Variants in DAP observed in about 807,000 individuals in gnomAD.
DAP encodes death associated protein.
DAP carries 8 observed loss-of-function variants against 13.8 expected under a neutral mutation model. That is an observed-to-expected ratio of 0.58 (90% CI 0.34 to 1.05). The LOEUF is 1.05. Ranked by LOEUF, DAP falls within the 50% of genes least tolerant of loss-of-function variation. DAP has a pLI of 0.03. For synonymous variants in DAP, 47 were observed against 47.5 expected (o/e 0.99, Z 0.04); for missense variants, 106 against 133.2 (o/e 0.80, Z 1.01).
Position 10,683,580 on chromosome 5 carries a change from A to T in DAP, c.153-9T>A. Reference sequence around the variant, plus strand: ...CAGTGGGTTTAGGTGGACTGGAAAAAAAGAAGGGAAAAGGCAGATTTAACA... The same window carrying T: ...CAGTGGGTTTAGGTGGACTGGAAAATAAGAAGGGAAAAGGCAGATTTAACA... On this transcript the variant is annotated splice_polypyrimidine_tract_variant and intron_variant, in intron 2 of 3. Transcript: ENST00000230895. The T allele has an allele frequency of 6.2e-7, 1 of 1,613,696 alleles. No homozygotes were observed. Among genetic ancestry groups the T allele is most frequent in the South Asian group, 1.1e-5 (1 of 91,074 alleles).
At chr5:10,682,514 G>A (rs1324378030) in intron 3 of DAP, among the ~76,000 whole-genome samples, 1 of 151,988 alleles carries the variant, frequency 6.6e-6, no homozygotes, top group African/African-American at 2.4e-5. Flanking sequence ...GTTTGTGGGT[G>A]AGGAAGCTCC....
rs1737919806 is a variant in DAP at position 10,679,263 on chromosome 5, T to A, written c.*1793A>T. On this transcript the variant is annotated 3_prime_UTR_variant, in exon 4 of 4. Coordinates refer to ENST00000230895, the MANE Select transcript of DAP (RefSeq NM_004394.3). Reference sequence around the variant, plus strand: ...AATGCAGGAGCTTTATTATAAATCATTTAATATTCTTGAAGTTAACAACTG... The same window carrying A: ...AATGCAGGAGCTTTATTATAAATCAATTAATATTCTTGAAGTTAACAACTG... 1 of 152,368 alleles carries A rather than the reference T, an allele frequency of 6.6e-6. No homozygotes were observed. 9.4% of individuals were successfully genotyped at this position (152,368 alleles called of 1,614,324 possible).
intron 2 of DAP, among the ~76,000 whole-genome samples, chr5:10,710,934 A>G (rs1738832512): frequency 6.6e-6 from 1 of 152,212 alleles, no homozygotes; most frequent in Admixed American, 6.5e-5. Context: ...TTGTCCGCAG[A>G]GGCACGGTGT....
chr5:10,759,116 G>A (rs1172583120), intron 1 of DAP, among the ~76,000 whole-genome samples: 3 of 150,004 alleles, frequency 2.0e-5, no homozygotes, highest in African/African-American at 7.3e-5. Flanking sequence ...GAACCTAGAA[G>A]GCGGAGGTTG....
chr5:10,758,513 C>G (rs1740255011), intron 1 of DAP, among the ~76,000 whole-genome samples: 1 of 152,216 alleles, frequency 6.6e-6, no homozygotes, highest in African/African-American at 2.4e-5. Context: ...TGGTGACAGC[C>G]ACCCGCAAGA....
intron 2 of DAP, among the ~76,000 whole-genome samples, chr5:10,705,794 C>T (rs1191491738): frequency 6.6e-6 from 1 of 152,020 alleles, no homozygotes; most frequent in Non-Finnish European, 1.5e-5. Flanking sequence ...TTTGATATAC[C>T]TATGTGTTGA....
chr5:10,759,154 T>C (rs1740274093), intron 1 of DAP, among the ~76,000 whole-genome samples: 1 of 152,256 alleles, frequency 6.6e-6, no homozygotes, highest in Non-Finnish European at 1.5e-5. Flanking sequence ...GCCACTGCAC[T>C]CCCAGGTGAC....
In DAP at chr5:10,680,834, T is replaced by A. The variant is rs375299580; in HGVS notation, c.*222A>T. 5.2e-6 allele frequency: 8 copies of A among 1,536,920 alleles called. No homozygotes were observed. The highest frequency in any genetic ancestry group is 2.4e-5 in the East Asian group (1 of 41,064). On this transcript the variant is annotated 3_prime_UTR_variant, in exon 4 of 4. Transcript: ENST00000230895. ...GCTAATGGCACCTCTAGGGGCACAA[T>A]GATCCTCAAATGACATCCAACCAGA...
At position 10,680,572 on chromosome 5, in the gene DAP, T is replaced by C; in HGVS notation, c.*484A>G. 1.4e-6 allele frequency: 1 copy of C among 693,882 alleles called. No individual in the cohort carries two copies. The highest frequency in any genetic ancestry group is 2.7e-5 in the East Asian group (1 of 37,072). 43.0% of individuals were successfully genotyped at this position (693,882 alleles called of 1,614,324 possible). ...AAATTTGGCATTGCTGTTCCCTGCC[T>C]CTAAGGTCCTTTATGAGGGGCCGCC... is the stretch of plus-strand genomic sequence containing the variant. On this transcript the variant is annotated 3_prime_UTR_variant, in exon 4 of 4. Coordinates refer to ENST00000230895, the MANE Select transcript of DAP (RefSeq NM_004394.3).
intron 2 of DAP, among the ~76,000 whole-genome samples, chr5:10,687,708 TAAC>T (rs1435208556): frequency 4.6e-5 from 7 of 152,138 alleles, no homozygotes; most frequent in East Asian, 1.9e-4. Flanking sequence ...ACACTGAAAA[TAAC>T]AACAAAGGAT....
intron 2 of DAP, among the ~76,000 whole-genome samples, chr5:10,721,162 G>A (rs1739128589): frequency 6.6e-6 from 1 of 152,160 alleles, no homozygotes; most frequent in Non-Finnish European, 1.5e-5. Context: ...GGCTGTGTAT[G>A]CTCTCAGTCA....
At chr5:10,747,308 C>G (rs575227801) in intron 2 of DAP, among the ~76,000 whole-genome samples, 2 of 152,260 alleles carry the variant, frequency 1.3e-5, no homozygotes, top group South Asian at 2.1e-4. Flanking sequence ...CTTTCAAGGT[C>G]CCTGAACCCA....
In DAP at chr5:10,680,491, T is replaced by C; in HGVS notation, c.*565A>G. The stretch of plus-strand genomic sequence containing the variant: ...TTTCTAAGATGCATGCTTTTTCGGC[T>C]TTTCTCATGGGTGCCTCATCAGCCT... On this transcript the variant is annotated 3_prime_UTR_variant, in exon 4 of 4. Transcript: ENST00000230895. 1.8e-6 allele frequency: 1 copy of C among 545,792 alleles called. No homozygotes were observed. The highest frequency in any genetic ancestry group is 3.0e-5 in the East Asian group (1 of 33,230). The allele number at this position is 545,792 out of a possible 1,614,324, so 33.8% of individuals were successfully genotyped here.
chr5:10,739,366 A>T (rs927365453), intron 2 of DAP, among the ~76,000 whole-genome samples: 1 of 132,192 alleles, frequency 7.6e-6, no homozygotes, highest in Non-Finnish European at 1.6e-5. Context: ...CAAAACAAAA[A>T]GTTTTAAAAA....
At chr5:10,742,150 A>C (rs975951353) in intron 2 of DAP, among the ~76,000 whole-genome samples, 2 of 152,216 alleles carry the variant, frequency 1.3e-5, no homozygotes, top group South Asian at 2.1e-4. Context: ...GTTCTTCTAC[A>C]AAAAAGAGCT....
chr5:10,738,100 G>A (rs2126671613), intron 2 of DAP, among the ~76,000 whole-genome samples: 1 of 152,310 alleles, frequency 6.6e-6, no homozygotes, highest in African/African-American at 2.4e-5. Flanking sequence ...CAACCAACCT[G>A]CCAACACCTT....
At chr5:10,699,285 TCTC>T (rs1402659402) in intron 2 of DAP, among the ~76,000 whole-genome samples, 1 of 152,250 alleles carries the variant, frequency 6.6e-6, no homozygotes, top group African/African-American at 2.4e-5. Flanking sequence ...CTCTGGAGCA[TCTC>T]CTACTTTTTC....
chr5:10,716,705 C>T lies in DAP; in HGVS notation c.152+31470G>A, dbSNP rs149501811. On this transcript the variant is annotated intron_variant, in intron 2 of 3. Coordinates refer to ENST00000230895, the MANE Select transcript of DAP (RefSeq NM_004394.3). ...TGAGACTCGGACCTGGCTCTCCTGG[C>T]TCCTCAAGCTTGCAGACAGCCTATT... Among the ~76,000 whole-genome samples the T allele has an allele frequency of 4.5e-4, 69 of 152,288 alleles. No homozygotes were observed. In the East Asian group the frequency reaches 0.011, roughly 25 times the overall value.
chr5:10,692,691 C>G (rs1738334887), intron 2 of DAP, among the ~76,000 whole-genome samples: 1 of 152,176 alleles, frequency 6.6e-6, no homozygotes, highest in African/African-American at 2.4e-5. Flanking sequence ...CGCGACACCC[C>G]ACATGTACCT....
Sources: allele counts gnomAD v4.1 joint callset (sites outside exome capture counted in the v4.1 genomes callset), GRCh38; gene constraint gnomAD v4.1.1; transcripts MANE v1.5; gene names NCBI Gene and HGNC (gene_info 2026-07-23, HGNC 2026-07-21).